The following BBX variants were observed in gnomAD, a reference collection of about 807,000 sequenced individuals.
BBX encodes the protein BBX high mobility group box domain containing.
Under a neutral mutation model 100.2 loss-of-function variants are expected in BBX, and 30 were observed. That is an observed-to-expected ratio of 0.30 (90% CI 0.22 to 0.41). The LOEUF is 0.41. BBX is among the 10% of genes least tolerant of loss of function. BBX has a pLI of 1.00. For synonymous variants in BBX, 376 were observed against 388.1 expected, an observed-to-expected ratio of 0.97 and a Z score of 0.37; for missense variants, 1,023 against 1,129.8, an observed-to-expected ratio of 0.91 and a Z score of 1.35.
chr3:107,653,608 T>G (rs2107819510), intron 3 of BBX, among the ~76,000 whole-genome samples: 1 of 152,372 alleles, frequency 6.6e-6, no homozygotes. Flanking sequence ...CTGTCTCTGC[T>G]GTGGCTATAT....
intron 2 of BBX, among the ~76,000 whole-genome samples, chr3:107,529,288 G>C (rs1334971674): frequency 6.6e-6 from 1 of 152,156 alleles, no homozygotes; most frequent in African/African-American, 2.4e-5. Context: ...CTTGTACCTT[G>C]AAGTCCATCT....
intron 2 of BBX, among the ~76,000 whole-genome samples, chr3:107,642,770 A>G (rs893022722): frequency 2.6e-5 from 4 of 152,182 alleles, no homozygotes; most frequent in Middle Eastern, 3.4e-3. Flanking sequence ...ATGGAGAGGC[A>G]TGTGTACCAT....
chr3:107,701,667 C>T (rs1268026923), intron 3 of BBX, among the ~76,000 whole-genome samples: 1 of 152,148 alleles, frequency 6.6e-6, no homozygotes, highest in East Asian at 1.9e-4. Context: ...TATGGAGACT[C>T]CATGAACTTG....
chr3:107,551,308 A>G (rs986362379), intron 2 of BBX, among the ~76,000 whole-genome samples: 5 of 152,232 alleles, frequency 3.3e-5, no homozygotes, highest in Non-Finnish European at 7.3e-5. Context: ...GAGCCCAGTG[A>G]CAACACTTTG....
chr3:107,537,486 C>T lies in BBX; in HGVS notation c.-84+11088C>T, dbSNP rs141663288. ...AGAGTTCTAGCCCAATATGGGATTC[C>T]GAAAAGGGGAAAATGTGTTTTCCTA... On this transcript the variant is annotated intron_variant, in intron 2 of 17. Transcript: ENST00000325805. Among the ~76,000 whole-genome samples, 374 of 152,214 alleles carry T rather than the reference C, an allele frequency of 2.5e-3. 1 individual carries two copies. The highest frequency in any genetic ancestry group is 4.0e-3 in the Non-Finnish European group (271 of 68,006).
intron 2 of BBX, among the ~76,000 whole-genome samples, chr3:107,557,670 A>G (rs1044983443): frequency 2.6e-5 from 4 of 152,230 alleles, no homozygotes; most frequent in Admixed American, 2.0e-4. Context: ...CATTGCCTGC[A>G]GCAGCTCTTA....
intron 3 of BBX, among the ~76,000 whole-genome samples, chr3:107,668,259 T>C (rs1465581118): frequency 6.6e-6 from 1 of 152,210 alleles, no homozygotes; most frequent in Admixed American, 6.5e-5. Flanking sequence ...GTTTCTTTTG[T>C]GCTCAGCCAG....
intron 10 of BBX, among the ~76,000 whole-genome samples, chr3:107,764,304 T>G (rs79784348): frequency 0.023 from 3,500 of 152,320 alleles, 127 homozygotes; most frequent in African/African-American, 0.077. Context: ...CATTGTATTT[T>G]ATAGGCTTAA....
chr3:107,797,356 A>G (rs1380176409), intron 15 of BBX, among the ~76,000 whole-genome samples: 2 of 127,198 alleles, frequency 1.6e-5, no homozygotes, highest in African/African-American at 5.8e-5. Context: ...ATATATATAT[A>G]TATATATAGC....
chr3:107,603,034 G>C (rs1178897041), intron 2 of BBX, among the ~76,000 whole-genome samples: 2 of 152,146 alleles, frequency 1.3e-5, no homozygotes, highest in Non-Finnish European at 2.9e-5. Context: ...CACAATCTCA[G>C]CTCACTGCAA....
chr3:107,611,955 T>G (rs1317932813), intron 2 of BBX, among the ~76,000 whole-genome samples: 3 of 152,184 alleles, frequency 2.0e-5, no homozygotes, highest in East Asian at 3.9e-4. Context: ...TTCAGAGAGC[T>G]TGTCTTCATT....
At chr3:107,584,827 G>T (rs987241718) in intron 2 of BBX, among the ~76,000 whole-genome samples, 1 of 151,678 alleles carries the variant, frequency 6.6e-6, no homozygotes, top group Middle Eastern at 3.4e-3. Context: ...GAGTAGCTGG[G>T]ATTACAGGCA....
chr3:107,692,762 G>A (rs1255780792), intron 3 of BBX, among the ~76,000 whole-genome samples: 1 of 149,772 alleles, frequency 6.7e-6, no homozygotes, highest in Non-Finnish European at 1.5e-5. Context: ...AGATCCCTGA[G>A]GAATCGCCAC....
intron 10 of BBX, among the ~76,000 whole-genome samples, chr3:107,762,961 A>G (rs934658099): frequency 6.6e-6 from 1 of 152,226 alleles, no homozygotes; most frequent in Non-Finnish European, 1.5e-5. Context: ...TTCAGTGTAC[A>G]CAAACTTTGT....
chr3:107,745,488 G>A (rs769016855), intron 8 of BBX, among the ~76,000 whole-genome samples: 5 of 151,868 alleles, frequency 3.3e-5, no homozygotes, highest in Non-Finnish European at 7.4e-5. Context: ...TTAAGAGAGA[G>A]TCTCAATCTG....
rs542649399 is a variant in BBX, at chr3:107,683,746, T to C, written c.-9-26706T>C. ...CACATTCATACAAAACTCTGTTTTA[T>C]GAGAGCAACGAATACTTTATGGTCC... On this transcript the variant is annotated intron_variant, in intron 3 of 17. Transcript: ENST00000325805. Among the ~76,000 whole-genome samples the C allele has an allele frequency of 2.3e-3, 349 of 152,324 alleles. 1 individual carries two copies. The highest frequency in any genetic ancestry group is 4.1e-3 in the Non-Finnish European group (279 of 68,022).
In BBX at chr3:107,806,858, C is replaced by G. The variant is rs570673409; in HGVS notation, c.*1401C>G. 1.3e-5 allele frequency: 2 copies of G among 152,312 alleles called. No homozygotes were observed. Among genetic ancestry groups the G allele is most frequent in the African/African-American group, 4.8e-5 (2 of 41,562 alleles). 9.4% of individuals were successfully genotyped at this position (152,312 alleles called of 1,614,324 possible). ...GTATTTCCCCACTCTTGCGTCACAG[C>G]ACAAACTACCAAATTTTAATTATTG... On this transcript the variant is annotated 3_prime_UTR_variant, in exon 18 of 18. Transcript: ENST00000325805.
chr3:107,597,039 A>G (rs2107608074), intron 2 of BBX, among the ~76,000 whole-genome samples: 1 of 152,228 alleles, frequency 6.6e-6, no homozygotes, highest in African/African-American at 2.4e-5. Flanking sequence ...GACATTTGAA[A>G]TTTTTCATCG....
Position 107,772,782 on chromosome 3 carries a change from C to T in BBX, c.1061C>T (p.Ala354Val), listed in dbSNP as rs901386189. ...KTDETRLQKE[A>V]EFEKSAKENL... The stretch of plus-strand genomic sequence containing the variant: ...GATGAAACTAGGTTACAGAAGGAAG[C>T]AGAATTTGAAAAATCGGCTAAGGAA... The change falls in exon 11 of 18, where the codon GCA becomes GTA. Residue 354 changes from alanine (A) to valine (V), a missense_variant. Physicochemically the swap from Ala to Val is moderately conservative, Grantham distance 64 (BLOSUM62 0). Transcript: ENST00000325805. 6.2e-7 allele frequency: 1 copy of T among 1,612,860 alleles called. No individual in the cohort carries two copies. Among genetic ancestry groups the T allele is most frequent in the African/African-American group, 1.3e-5 (1 of 74,756 alleles).
Sources: gnomAD v4.1 joint callset for allele counts (sites outside exome capture counted in the v4.1 genomes callset) on GRCh38, gnomAD v4.1.1 for gene constraint, MANE v1.5 for transcripts, NCBI Gene and HGNC (gene_info 2026-07-23, HGNC 2026-07-21) for gene names.